The following INSL6 variants were observed in gnomAD, a reference collection of about 807,000 sequenced individuals.
INSL6 encodes insulin-like peptide INSL6.
A neutral mutation model predicts 9.4 loss-of-function variants in INSL6; 16 were observed. The ratio of observed to expected loss-of-function variants is 1.70; its 90% CI spans 1.15 to 2.59. The LOEUF is 2.59. INSL6 is among the 30% of genes most tolerant of loss of function. INSL6 has a pLI of 0.00. For missense variants in INSL6, 391 were observed against 257.3 expected (o/e 1.52, Z -3.56); for synonymous variants, 154 against 96.9 (o/e 1.59, Z -3.46).
chr9:5,038,093 G>T, the INSL6 span, among the ~76,000 whole-genome samples: 1 of 152,084 alleles, frequency 6.6e-6, no homozygotes, highest in African/African-American at 2.4e-5. Flanking sequence ...TTTTGAAAAG[G>T]CCATTAATGA....
chr9:5,130,085 C>T (rs1022215328), intron 3 of INSL6, among the ~76,000 whole-genome samples: 26 of 152,152 alleles, frequency 1.7e-4, no homozygotes, highest in African/African-American at 4.8e-4. Flanking sequence ...CTTACTACTA[C>T]GGTTTTAAAA....
chr9:5,139,307 T>C (rs1824444905), intron 2 of INSL6, among the ~76,000 whole-genome samples: 1 of 152,164 alleles, frequency 6.6e-6, no homozygotes, highest in Non-Finnish European at 1.5e-5. Flanking sequence ...TTGTTCATAG[T>C]TGGATTACTA....
the INSL6 span, among the ~76,000 whole-genome samples, chr9:5,003,152 T>C: frequency 2.0e-5 from 3 of 152,140 alleles, no homozygotes; most frequent in Admixed American, 6.5e-5. Flanking sequence ...TCTTGATGTC[T>C]GATAATATAA....
At chr9:5,155,489 C>T (rs1274843290) in intron 2 of INSL6, among the ~76,000 whole-genome samples, 2 of 145,414 alleles carry the variant, frequency 1.4e-5, no homozygotes, top group Non-Finnish European at 3.0e-5. Flanking sequence ...AAAAAAAAAC[C>T]TGGAGGTACC....
chr9:5,103,872 G>C, the INSL6 span, among the ~76,000 whole-genome samples: 1 of 152,112 alleles, frequency 6.6e-6, no homozygotes, highest in Non-Finnish European at 1.5e-5. Context: ...AAACCAACGA[G>C]AACAAAGACA....
At chr9:5,111,033 C>G in the INSL6 span, 1 of 882,288 alleles carries the variant, frequency 1.1e-6, no homozygotes, top group South Asian at 1.4e-5. Context: ...CCTCCCTGGC[C>G]GGGGCGCAAT....
At chr9:5,113,632 C>A in the INSL6 span, 1 of 161,314 alleles carries the variant, frequency 6.2e-6, no homozygotes. Flanking sequence ...TGAACCTGGG[C>A]TGCCTGGCCA....
the INSL6 span, among the ~76,000 whole-genome samples, chr9:5,043,180 G>T: frequency 6.6e-6 from 1 of 152,222 alleles, no homozygotes; most frequent in Non-Finnish European, 1.5e-5. Context: ...CTGGCTGGCG[G>T]ACTCCCAGCG....
downstream of INSL6, among the ~76,000 whole-genome samples, chr9:5,159,744 C>T (rs1824884975): frequency 6.6e-6 from 1 of 152,198 alleles, no homozygotes; most frequent in East Asian, 1.9e-4. Context: ...ATCATCCAGA[C>T]AGAAAATCAA....
chr9:5,037,840 AAAACTT>A, the INSL6 span, among the ~76,000 whole-genome samples: 1 of 152,248 alleles, frequency 6.6e-6, no homozygotes. Flanking sequence ...CATGTACCCT[AAAACTT>A]AAAGTATAAT....
the INSL6 span, chr9:5,069,836 C>G: frequency 1.2e-5 from 9 of 744,060 alleles, no homozygotes; most frequent in Non-Finnish European, 1.8e-5. Context: ...ATTTCTTATA[C>G]GTAGAACACA....
At chr9:5,070,672 G>C in the INSL6 span, among the ~76,000 whole-genome samples, 2 of 152,042 alleles carry the variant, frequency 1.3e-5, no homozygotes, top group Non-Finnish European at 2.9e-5. Flanking sequence ...TTTCCTTGCA[G>C]ATGCAGAACC....
the INSL6 span, chr9:5,044,347 G>A: frequency 9.6e-7 from 1 of 1,043,468 alleles, no homozygotes; most frequent in Non-Finnish European, 1.5e-6. Context: ...TATATAGATA[G>A]TACGTTTGTA....
rs75025126 is a variant in INSL6 at position 5,178,432 on chromosome 9, A to G, written c.289+6882T>C. ...AGATTGTGGCCAGACTGCTTCTTTA[A>G]GCAGGACACTGATCCATTACTCTTC... On this transcript the variant is annotated intron_variant, in intron 1 of 1. Coordinates refer to ENST00000381641, the MANE Select transcript of INSL6 (RefSeq NM_007179.3). Among the ~76,000 whole-genome samples, 867 of 152,330 alleles carry G rather than the reference A, an allele frequency of 5.7e-3. 4 individuals are homozygous for G. Among genetic ancestry groups the G allele is most frequent in the African/African-American group, 0.019 (801 of 41,570 alleles).
At chr9:5,096,006 G>T in the INSL6 span, among the ~76,000 whole-genome samples, 1 of 152,078 alleles carries the variant, frequency 6.6e-6, no homozygotes, top group Admixed American at 6.5e-5. Flanking sequence ...CAGGATTTCT[G>T]CCTGAATGAG....
intron 1 of INSL6, among the ~76,000 whole-genome samples, chr9:5,177,340 G>T (rs1049100057): frequency 6.6e-6 from 1 of 152,118 alleles, no homozygotes; most frequent in African/African-American, 2.4e-5. Flanking sequence ...ACCCCGCCCG[G>T]GAAATCACAT....
intron 1 of INSL6, among the ~76,000 whole-genome samples, chr9:5,175,203 G>C (rs949231423): frequency 2.0e-5 from 3 of 152,142 alleles, no homozygotes; most frequent in Non-Finnish European, 2.9e-5. Flanking sequence ...GCCTCCCAAA[G>C]TGCTGGGATT....
chr9:5,153,366 C>T (rs953405528), intron 2 of INSL6, among the ~76,000 whole-genome samples: 5 of 152,238 alleles, frequency 3.3e-5, no homozygotes, highest in South Asian at 4.1e-4. Context: ...GAGGAGCATC[C>T]GCCATTGCTG....
chr9:5,092,327 T>C, the INSL6 span, among the ~76,000 whole-genome samples: 12 of 152,190 alleles, frequency 7.9e-5, no homozygotes, highest in South Asian at 2.1e-3. Flanking sequence ...ATTCTAGAAA[T>C]ATTATTTAAA....
Sources: allele counts gnomAD v4.1 joint callset (sites outside exome capture counted in the v4.1 genomes callset), GRCh38; gene constraint gnomAD v4.1.1; transcripts MANE v1.5; gene names NCBI Gene and HGNC (gene_info 2026-07-23, HGNC 2026-07-21).